OOSP4B: variants seen among roughly 807,000 people sequenced by gnomAD.
The protein encoded by OOSP4B is oocyte-secreted protein 4B.
At chr11:60,020,102 G>C (rs1854673177) in intron 1 of OOSP4B, among the ~76,000 whole-genome samples, 1 of 152,250 alleles carries the variant, frequency 6.6e-6, no homozygotes, top group African/African-American at 2.4e-5. Context: ...CCTTGAGCTA[G>C]ATACAGAGTG....
chr11:60,024,268 G>T (rs1330620550), intron 2 of OOSP4B, among the ~76,000 whole-genome samples: 11 of 152,146 alleles, frequency 7.2e-5, no homozygotes, highest in African/African-American at 2.4e-4. Flanking sequence ...GGCTGGGCAT[G>T]GTGGCTCACA....
intron 3 of OOSP4B, among the ~76,000 whole-genome samples, chr11:60,028,450 G>A (rs1854768665): frequency 6.6e-6 from 1 of 152,138 alleles, no homozygotes; most frequent in Admixed American, 6.5e-5. Context: ...ACAGGAATGA[G>A]CCACTGCACC....
chr11:60,030,896 A>C (rs760812217), exon 5 of OOSP4B: 43 of 397,970 alleles, frequency 1.1e-4, no homozygotes, highest in Non-Finnish European at 1.8e-4. Context: ...ATCTTGTCTG[A>C]AAACCAGTTT....
At chr11:60,020,755 G>A (rs996354630) in intron 1 of OOSP4B, among the ~76,000 whole-genome samples, 1 of 152,228 alleles carries the variant, frequency 6.6e-6, no homozygotes, top group African/African-American at 2.4e-5. Context: ...GGCTGTGAGG[G>A]CTGCCAGCAC....
At chr11:60,019,680 G>T (rs962635162) in intron 1 of OOSP4B, 2 of 152,426 alleles carry the variant, frequency 1.3e-5, no homozygotes, top group Non-Finnish European at 2.9e-5. Context: ...GCAGACCTTC[G>T]CATGAGTGTT....
chr11:60,019,161 T>G (rs901427906), intron 1 of OOSP4B, among the ~76,000 whole-genome samples: 3 of 152,032 alleles, frequency 2.0e-5, no homozygotes, highest in African/African-American at 7.2e-5. Context: ...AGGCAGAGGT[T>G]GCAGTGAGCT....
At chr11:60,018,289 G>A (rs563572870) in intron 1 of OOSP4B, among the ~76,000 whole-genome samples, 50 of 152,142 alleles carry the variant, frequency 3.3e-4, no homozygotes, top group African/African-American at 9.4e-4. Context: ...GGTTCTCAGC[G>A]GGTGGTTTTG....
chr11:60,024,124 A>G, intron 2 of OOSP4B, 63 bp downstream of exon 2: 1 of 398,232 alleles, frequency 2.5e-6, no homozygotes, highest in Non-Finnish European at 4.4e-6. Context: ...GCTACATAGT[A>G]TCAAAAGTTC....
At chr11:60,030,740 T>G in intron 4 of OOSP4B, 62 bp from the exon 5 acceptor site, 1 of 398,072 alleles carries the variant, frequency 2.5e-6, no homozygotes, top group Non-Finnish European at 4.4e-6. Flanking sequence ...CTGAACGTGT[T>G]TTCTTTTTAG....
At chr11:60,029,693 A>G (rs1854785504) in intron 3 of OOSP4B, 89 bp from the exon 4 acceptor site, 6 of 396,776 alleles carry the variant, frequency 1.5e-5, no homozygotes, top group Admixed American at 1.3e-4. Flanking sequence ...GTTATCACTT[A>G]TAACGAACCT....
intron 1 of OOSP4B, among the ~76,000 whole-genome samples, chr11:60,020,117 T>A (rs899162679): frequency 1.3e-5 from 2 of 152,214 alleles, no homozygotes. Context: ...AGAGTGCCGA[T>A]TGGTGTATTT....
rs545561567 is a variant in OOSP4B at position 60,022,593 on chromosome 11, CAG to C, written c.23-1284_23-1283del. On this transcript the variant is annotated intron_variant, in intron 1 of 4. Transcript: ENST00000642343. ...TCTAAGCCAAACATTTTACGGAAGACAGAGTTCTGTAGATCCTTGGATACTGC... is the reference window on the plus strand; with the variant it reads ...TCTAAGCCAAACATTTTACGGAAGACAGTTCTGTAGATCCTTGGATACTGC... 4.5e-4 allele frequency among the ~76,000 whole-genome samples: 68 copies of C among 152,310 alleles called. 2 individuals carry two copies. In the South Asian group the frequency reaches 0.014, roughly 31 times the overall value.
At chr11:60,026,569 C>G (rs2134627677) in intron 3 of OOSP4B, among the ~76,000 whole-genome samples, 1 of 152,274 alleles carries the variant, frequency 6.6e-6, no homozygotes, top group Non-Finnish European at 1.5e-5. Context: ...CAAACAAATT[C>G]TCACTATATC....
At chr11:60,020,488 G>A (rs1459952793) in intron 1 of OOSP4B, among the ~76,000 whole-genome samples, 1 of 152,222 alleles carries the variant, frequency 6.6e-6, no homozygotes, top group African/African-American at 2.4e-5. Context: ...CCGGGTGGGG[G>A]CGGGGGCCAG....
chr11:60,023,527 T>G (rs983999657), intron 1 of OOSP4B, among the ~76,000 whole-genome samples: 2 of 152,184 alleles, frequency 1.3e-5, no homozygotes, highest in African/African-American at 4.8e-5. Flanking sequence ...CTCTGCCTCC[T>G]GGGCTCAAGC....
chr11:60,024,524 G>A (rs1459214833), intron 2 of OOSP4B, among the ~76,000 whole-genome samples: 1 of 152,168 alleles, frequency 6.6e-6, no homozygotes, highest in Admixed American at 6.5e-5. Flanking sequence ...TGGGTGATAA[G>A]TGAAACTCTG....
exon 1 of OOSP4B, chr11:60,017,181 C>A (rs1354341499): frequency 5.1e-6 from 2 of 393,214 alleles, no homozygotes; most frequent in Non-Finnish European, 9.0e-6. Flanking sequence ...GTCTAACAAG[C>A]TCCCAGGTTG....
intron 3 of OOSP4B, among the ~76,000 whole-genome samples, chr11:60,025,860 A>C (rs1168342686): frequency 1.3e-5 from 2 of 152,158 alleles, no homozygotes; most frequent in East Asian, 3.8e-4. Context: ...TAATACGAGG[A>C]ATGTATGGGA....
At chr11:60,029,831 C>T (rs907461350) in exon 4 of OOSP4B, 1 of 398,278 alleles carries the variant, frequency 2.5e-6, no homozygotes, top group African/African-American at 2.1e-5. Flanking sequence ...GTTTGATGCC[C>T]ACACCTTGAA....
Sources: allele counts gnomAD v4.1 joint callset (sites outside exome capture counted in the v4.1 genomes callset), GRCh38; gene constraint gnomAD v4.1.1; transcripts MANE v1.5; gene names NCBI Gene and HGNC (gene_info 2026-07-23, HGNC 2026-07-21).